TRAF2: variants seen among roughly 807,000 people sequenced by gnomAD.
TRAF2 encodes the protein TNF receptor-associated factor 2.
A neutral mutation model predicts 55.6 loss-of-function variants in TRAF2; 6 were observed. The ratio of observed to expected loss-of-function variants is 0.11; its 90% CI spans 0.06 to 0.21. The LOEUF (loss-of-function observed/expected upper bound fraction) is 0.21, where lower values mean the gene tolerates loss of function less well. TRAF2 is among the 10% of genes least tolerant of loss of function. The probability of loss-of-function intolerance (pLI) is 1.00; values close to 1 mark genes in which losing one functional copy is unlikely to be tolerated. For missense variants in TRAF2, 561 were observed against 684.5 expected, an observed-to-expected ratio of 0.82 and a Z score of 2.01; for synonymous variants, 329 against 276.3, an observed-to-expected ratio of 1.19 and a Z score of -1.89.
chr9:136,926,351 G>T lies in TRAF2; in HGVS notation c.*450G>T, dbSNP rs1293487517. On this transcript the variant is annotated 3_prime_UTR_variant, in exon 11 of 11. Coordinates refer to ENST00000247668, the MANE Select transcript of TRAF2 (RefSeq NM_021138.4). ...CAGGAGAAGGGCCTCCTGCTGGCCAGAGCAAGGAAGGCTGAGCAGCTTGGT... is the reference window on the plus strand; with the variant it reads ...CAGGAGAAGGGCCTCCTGCTGGCCATAGCAAGGAAGGCTGAGCAGCTTGGT... 2.9e-6 allele frequency: 1 copy of T among 346,278 alleles called. No individual in the cohort carries two copies. The highest frequency in any genetic ancestry group is 2.1e-5 in the African/African-American group (1 of 46,664). 21.5% of individuals were successfully genotyped at this position (346,278 alleles called of 1,614,324 possible).
chr9:136,906,451 C>G (rs1849954453), intron 4 of TRAF2, among the ~76,000 whole-genome samples: 1 of 152,054 alleles, frequency 6.6e-6, no homozygotes, highest in Non-Finnish European at 1.5e-5. Flanking sequence ...GGGAACTGCC[C>G]TTTATCAAAC....
intron 9 of TRAF2, among the ~76,000 whole-genome samples, chr9:136,922,938 T>G (rs1200127497): frequency 4.3e-5 from 5 of 115,296 alleles, no homozygotes; most frequent in Admixed American, 8.4e-5. Context: ...AGGACGAGGA[T>G]GGGGAGGATG....
chr9:136,906,637 T>C (rs1295226435), intron 4 of TRAF2, among the ~76,000 whole-genome samples: 2 of 152,142 alleles, frequency 1.3e-5, no homozygotes, highest in African/African-American at 4.8e-5. Flanking sequence ...AGTGAGACCC[T>C]GTCTCAAAAA....
At chr9:136,923,013 C>A (rs1850432972) in intron 9 of TRAF2, among the ~76,000 whole-genome samples, 2 of 152,112 alleles carry the variant, frequency 1.3e-5, no homozygotes, top group African/African-American at 4.8e-5. Flanking sequence ...ACAGTGGGGT[C>A]CCTGCGTGCA....
chr9:136,915,393 C>G (rs1850217019), intron 6 of TRAF2, among the ~76,000 whole-genome samples: 1 of 152,016 alleles, frequency 6.6e-6, no homozygotes. Flanking sequence ...GGACGTGCCA[C>G]TGTGATGTGT....
upstream of TRAF2, among the ~76,000 whole-genome samples, chr9:136,883,788 A>T (rs1849401056): frequency 6.8e-6 from 1 of 147,632 alleles, no homozygotes; most frequent in Non-Finnish European, 1.5e-5. Flanking sequence ...AAGTGCTGGG[A>T]TTACAAACAT....
intron 1 of TRAF2, among the ~76,000 whole-genome samples, chr9:136,888,385 C>T (rs1297280482): frequency 2.0e-5 from 3 of 152,060 alleles, no homozygotes; most frequent in Non-Finnish European, 4.4e-5. Flanking sequence ...GAGCCGAGAT[C>T]GCGCCACTGC....
intron 4 of TRAF2, among the ~76,000 whole-genome samples, chr9:136,905,127 C>T (rs1849915890): frequency 1.3e-5 from 2 of 152,216 alleles, no homozygotes; most frequent in Admixed American, 6.5e-5. Flanking sequence ...TTTCCTGAGT[C>T]ACTTGGGGCT....
intron 1 of TRAF2, among the ~76,000 whole-genome samples, chr9:136,892,452 A>C (rs1239497709): frequency 6.6e-6 from 1 of 152,252 alleles, no homozygotes; most frequent in East Asian, 1.9e-4. Flanking sequence ...CGACAGAGCG[A>C]GACTCCGTCT....
rs1849450415 is a variant in TRAF2, at chr9:136,886,517, G to C, written c.-53G>C. On this transcript the variant is annotated 5_prime_UTR_variant, in exon 1 of 11. Coordinates refer to ENST00000247668, the MANE Select transcript of TRAF2 (RefSeq NM_021138.4). Reference sequence around the variant, plus strand: ...GGGGCGGTAGCTGGGCGGGCCCTTAGTTCCGGGCGCGCTGCGACCGTTGGG... The same window carrying C: ...GGGGCGGTAGCTGGGCGGGCCCTTACTTCCGGGCGCGCTGCGACCGTTGGG... 16 of 991,650 alleles carry C rather than the reference G, an allele frequency of 1.6e-5. No individual in the cohort carries two copies. The highest frequency in any genetic ancestry group is 1.8e-5 in the Non-Finnish European group (15 of 834,222). The allele number at this position is 991,650 out of a possible 1,614,324, so 61.4% of individuals were successfully genotyped here. A position where few individuals can be genotyped will look rare whatever the true frequency, so the allele number is the denominator to read the frequency against.
At chr9:136,921,814 C>T (rs896851261) in intron 9 of TRAF2, among the ~76,000 whole-genome samples, 5 of 152,252 alleles carry the variant, frequency 3.3e-5, no homozygotes, top group African/African-American at 1.2e-4. Flanking sequence ...AGGCTCCTGC[C>T]AGGACTGTGC....
chr9:136,897,342 C>T (rs1014068295), intron 1 of TRAF2, among the ~76,000 whole-genome samples: 50 of 152,190 alleles, frequency 3.3e-4, no homozygotes, highest in Non-Finnish European at 5.6e-4. Flanking sequence ...GCGCTGAGGC[C>T]GTCTGTGGCT....
chr9:136,886,301 C>T (rs1849445254), upstream of TRAF2: 3 of 750,422 alleles, frequency 4.0e-6, no homozygotes, highest in South Asian at 6.0e-5. Flanking sequence ...GTCTCAGCGC[C>T]GACCAATCGG....
At chr9:136,883,058 C>T (rs557948467), upstream of TRAF2, among the ~76,000 whole-genome samples, 21 of 152,186 alleles carry the variant, frequency 1.4e-4, no homozygotes, top group Admixed American at 2.6e-4. Flanking sequence ...TTAGTAGAGA[C>T]GGGGTTTCAC....
chr9:136,906,742 GCCTGAGAGT>G, intron 4 of TRAF2, among the ~76,000 whole-genome samples: 2 of 152,340 alleles, frequency 1.3e-5, no homozygotes, highest in East Asian at 3.9e-4. Context: ...TGGGCCAGAG[GCCTGAGAGT>G]CCTTCTTGAC....
Position 136,926,230 on chromosome 9 carries a change from CAG to C in TRAF2, c.*332_*333del, listed in dbSNP as rs1383042902. 5 of 456,570 alleles carry C rather than the reference CAG, an allele frequency of 1.1e-5. No homozygotes were observed. Among genetic ancestry groups the C allele is most frequent in the Admixed American group, 3.0e-5 (1 of 33,516 alleles). The allele number at this position is 456,570 out of a possible 1,614,324, so 28.3% of individuals were successfully genotyped here. On this transcript the variant is annotated 3_prime_UTR_variant, in exon 11 of 11. Transcript: ENST00000247668. ...GGAGAGGCCCTGGGTGGGGGACACT[CAG>C]AGTGGGAGCACATCCCAGCAGTGCC...
At chr9:136,893,356 C>T (rs1388297002) in intron 1 of TRAF2, among the ~76,000 whole-genome samples, 1 of 152,208 alleles carries the variant, frequency 6.6e-6, no homozygotes, top group Non-Finnish European at 1.5e-5. Context: ...GATTCAGAAG[C>T]TGGGATTGAA....
Position 136,898,754 on chromosome 9 carries a change from G to A in TRAF2, c.14G>A (p.Ser5Asn). The part of the protein sequence containing the change: MAAA[S>N]VTPPGSLELL... ...GTCACAGCTCTCATGGCTGCAGCTAGCGTGACCCCCCCTGGCTCCCTGGAG... is the reference window on the plus strand; with the variant it reads ...GTCACAGCTCTCATGGCTGCAGCTAACGTGACCCCCCCTGGCTCCCTGGAG... The change falls in exon 2 of 11, where the codon AGC becomes AAC. Residue 5 changes from serine (S) to asparagine (N), a missense_variant. This residue lies in a region of TRAF2 where 426 missense variants were observed against 476.8 expected (regional missense o/e 0.89). Transcript: ENST00000247668. 1.9e-6 allele frequency: 3 copies of A among 1,613,464 alleles called. No homozygotes were observed. The African/African-American group carries it at 4.0e-5, about 22-fold the overall frequency.
upstream of TRAF2, chr9:136,882,093 T>C: frequency 1.0e-6 from 1 of 967,192 alleles, no homozygotes; most frequent in Non-Finnish European, 1.2e-6. Context: ...CATGGTCCCG[T>C]GGGGGGCCCA....
Sources: gnomAD v4.1 joint callset for allele counts (sites outside exome capture counted in the v4.1 genomes callset) on GRCh38, gnomAD v4.1.1 for gene constraint, gnomAD v4.1.1 regional missense constraint, MANE v1.5 for transcripts, NCBI Gene and HGNC (gene_info 2026-07-23, HGNC 2026-07-21) for gene names.